Variants in ST6GALNAC3 observed in about 807,000 individuals in gnomAD.
The protein encoded by ST6GALNAC3 is ST6 N-acetylgalactosaminide alpha-2,6-sialyltransferase 3, also known as alpha-N-acetylgalactosaminide alpha-2,6-sialyltransferase 3.
A neutral mutation model predicts 32.7 loss-of-function variants in ST6GALNAC3; 25 were observed. That is an observed-to-expected ratio of 0.76 (90% CI 0.56 to 1.07). ST6GALNAC3 has a LOEUF of 1.07. Among genes scored for constraint, ST6GALNAC3 ranks in the 50% least tolerant of loss-of-function variants. The pLI, the probability that ST6GALNAC3 is intolerant of heterozygous loss-of-function variation, is 0.00. For synonymous variants in ST6GALNAC3, 129 were observed against 133.1 expected, an observed-to-expected ratio of 0.97 and a Z score of 0.21; for missense variants, 355 against 382.4, an observed-to-expected ratio of 0.93 and a Z score of 0.60.
At chr1:76,183,612 A>G (rs919907854) in intron 1 of ST6GALNAC3, among the ~76,000 whole-genome samples, 4 of 151,886 alleles carry the variant, frequency 2.6e-5, no homozygotes, top group Non-Finnish European at 5.9e-5. Flanking sequence ...ACACAACCCT[A>G]GGTAGTAGAG....
chr1:76,421,792 G>C (rs1407352853), intron 3 of ST6GALNAC3, among the ~76,000 whole-genome samples: 1 of 151,964 alleles, frequency 6.6e-6, no homozygotes, highest in South Asian at 2.1e-4. Flanking sequence ...TATAGACTAA[G>C]AGGAAAATTA....
intron 1 of ST6GALNAC3, among the ~76,000 whole-genome samples, chr1:76,300,557 C>T (rs1399689481): frequency 4.0e-5 from 6 of 151,870 alleles, no homozygotes; most frequent in Non-Finnish European, 7.4e-5. Flanking sequence ...TAGCCTCTGT[C>T]CTTAAGCTGC....
chr1:76,118,947 T>C (rs908606653), intron 1 of ST6GALNAC3, among the ~76,000 whole-genome samples: 1 of 152,132 alleles, frequency 6.6e-6, no homozygotes, highest in Non-Finnish European at 1.5e-5. Context: ...CTCAGCCTCC[T>C]GAGTAGCTGG....
intron 1 of ST6GALNAC3, among the ~76,000 whole-genome samples, chr1:76,216,447 A>G (rs1655468968): frequency 6.6e-6 from 1 of 152,190 alleles, no homozygotes; most frequent in Non-Finnish European, 1.5e-5. Flanking sequence ...TGTTGAATAG[A>G]TCTCTGGGAT....
At position 76,618,893 on chromosome 1, in the gene ST6GALNAC3, A is replaced by G. The variant is rs575228401; in HGVS notation, c.624-8559A>G. Among the ~76,000 whole-genome samples, 8 of 152,338 alleles carry G rather than the reference A, an allele frequency of 5.3e-5. No homozygotes were observed. The East Asian group carries it at 1.5e-3, about 29-fold the overall frequency. On this transcript the variant is annotated intron_variant, in intron 3 of 4. Coordinates refer to ENST00000328299, the MANE Select transcript of ST6GALNAC3 (RefSeq NM_152996.4). ...TCAATGAGGCAGAAAAGTTAATTGCATCCACAGGCAAGCTATGTTCTAGGA... is the reference window on the plus strand; with the variant it reads ...TCAATGAGGCAGAAAAGTTAATTGCGTCCACAGGCAAGCTATGTTCTAGGA...
At chr1:76,128,523 TC>T (rs1649401900) in intron 1 of ST6GALNAC3, among the ~76,000 whole-genome samples, 1 of 152,154 alleles carries the variant, frequency 6.6e-6, no homozygotes, top group African/African-American at 2.4e-5. Context: ...GACTGGGCAA[TC>T]CTGGGGAGGG....
intron 2 of ST6GALNAC3, among the ~76,000 whole-genome samples, chr1:76,334,208 A>G (rs1446483981): frequency 6.6e-6 from 1 of 152,210 alleles, no homozygotes; most frequent in Non-Finnish European, 1.5e-5. Flanking sequence ...CACTGGCCAA[A>G]CAAAAATCCA....
chr1:76,522,718 T>C (rs575329182), intron 3 of ST6GALNAC3, among the ~76,000 whole-genome samples: 132 of 152,322 alleles, frequency 8.7e-4, no homozygotes, highest in African/African-American at 3.1e-3. Context: ...ATGTTTCCAA[T>C]TGAAGTGGGT....
chr1:76,345,729 A>C (rs1369459608), intron 2 of ST6GALNAC3, among the ~76,000 whole-genome samples: 1 of 152,038 alleles, frequency 6.6e-6, no homozygotes. Context: ...AAGGATGGGG[A>C]TCTGCTCCCC....
At chr1:76,178,484 C>G (rs544280594) in intron 1 of ST6GALNAC3, among the ~76,000 whole-genome samples, 1 of 152,256 alleles carries the variant, frequency 6.6e-6, no homozygotes, top group East Asian at 1.9e-4. Context: ...ATCGCCAGAC[C>G]GTGGGAGGTT....
At chr1:76,186,399 C>T (rs1039224462) in intron 1 of ST6GALNAC3, among the ~76,000 whole-genome samples, 2 of 152,238 alleles carry the variant, frequency 1.3e-5, no homozygotes, top group Non-Finnish European at 2.9e-5. Context: ...ATGAGACCCC[C>T]GACTATGTCT....
chr1:76,570,317 G>T (rs560536810), intron 3 of ST6GALNAC3, among the ~76,000 whole-genome samples: 56 of 152,168 alleles, frequency 3.7e-4, no homozygotes, highest in Admixed American at 3.4e-3. Context: ...TCAGACCAAA[G>T]ATGCTTATTT....
At chr1:76,577,470 A>G (rs960618468) in intron 3 of ST6GALNAC3, 11 of 215,464 alleles carry the variant, frequency 5.1e-5, no homozygotes, top group Non-Finnish European at 7.9e-5. Context: ...TTAAAATTTC[A>G]TAGATATAAT....
At chr1:76,423,818 T>C (rs1361860905) in intron 3 of ST6GALNAC3, among the ~76,000 whole-genome samples, 2 of 151,942 alleles carry the variant, frequency 1.3e-5, no homozygotes, top group Non-Finnish European at 2.9e-5. Flanking sequence ...CTTGAACTTT[T>C]GTTGATTGGA....
chr1:76,260,428 A>G (rs751330669), intron 1 of ST6GALNAC3, among the ~76,000 whole-genome samples: 2 of 152,230 alleles, frequency 1.3e-5, no homozygotes, highest in African/African-American at 2.4e-5. Context: ...AATAGTCCCC[A>G]GTTATTGAAC....
At chr1:76,339,158 C>T (rs1647749754) in intron 2 of ST6GALNAC3, among the ~76,000 whole-genome samples, 1 of 152,190 alleles carries the variant, frequency 6.6e-6, no homozygotes. Flanking sequence ...AAGTTGCTCA[C>T]ATCCTAATTC....
intron 1 of ST6GALNAC3, among the ~76,000 whole-genome samples, chr1:76,221,140 G>A (rs1396460871): frequency 6.6e-6 from 1 of 152,130 alleles, no homozygotes; most frequent in Non-Finnish European, 1.5e-5. Context: ...AGAAGTGATG[G>A]GTGGAATGGA....
At chr1:76,455,443 A>T (rs1657705487) in intron 3 of ST6GALNAC3, among the ~76,000 whole-genome samples, 1 of 152,138 alleles carries the variant, frequency 6.6e-6, no homozygotes, top group Non-Finnish European at 1.5e-5. Context: ...CTTTTGGAGG[A>T]TACCTGATTT....
In ST6GALNAC3 at chr1:76,629,845, A is replaced by G. The variant is rs565933317; in HGVS notation, c.*1039A>G. 1.7e-5 allele frequency: 17 copies of G among 982,946 alleles called. No homozygotes were observed. The African/African-American group carries it at 2.4e-4, about 14-fold the overall frequency. 60.9% of individuals were successfully genotyped at this position (982,946 alleles called of 1,614,324 possible). ...TATAGGCCCAAGGTGTGTTTCTCCA[A>G]ACATTACATTCTCATTGCCAAGTGC... is the stretch of plus-strand genomic sequence containing the variant. On this transcript the variant is annotated 3_prime_UTR_variant, in exon 5 of 5. Transcript: ENST00000328299.
Sources: allele counts gnomAD v4.1 joint callset (sites outside exome capture counted in the v4.1 genomes callset), GRCh38; gene constraint gnomAD v4.1.1; transcripts MANE v1.5; gene names NCBI Gene and HGNC (gene_info 2026-07-23, HGNC 2026-07-21).